Variants in ARHGAP6 observed in about 807,000 individuals in gnomAD.
ARHGAP6 encodes the protein rho GTPase-activating protein 6.
ARHGAP6 carries 16 observed loss-of-function variants against 55.7 expected under a neutral mutation model. That is an observed-to-expected ratio of 0.29 (90% CI 0.19 to 0.44). The LOEUF (loss-of-function observed/expected upper bound fraction) is 0.44. ARHGAP6 is among the 20% of genes least tolerant of loss of function. The pLI is 1.00. For missense variants in ARHGAP6, 698 were observed against 808.9 expected (o/e 0.86, Z 1.66); for synonymous variants, 382 against 360.9 (o/e 1.06, Z -0.66).
At position 11,199,479 on chromosome X, in the gene ARHGAP6, G is replaced by C. The variant is rs757617311; in HGVS notation, c.749-2483C>G. On this transcript the variant is annotated intron_variant, in intron 2 of 12. Transcript: ENST00000337414. ...GGATTATGGTGCACATTAAAGTCTG[G>C]TTCACATTAAAGTCTGGAACCACCA... Among the ~76,000 whole-genome samples, 3 of 112,008 alleles carry C rather than the reference G, an allele frequency of 2.7e-5. No individual in the cohort carries two copies. The South Asian group carries it at 1.1e-3, about 42-fold the overall frequency.
chrX:11,470,843 G>A (rs781498194), intron 1 of ARHGAP6, among the ~76,000 whole-genome samples: 1 of 111,864 alleles, frequency 8.9e-6, no homozygotes, highest in African/African-American at 3.2e-5. Flanking sequence ...CTCTGCTGCT[G>A]CCATCTTGAA....
intron 1 of ARHGAP6, among the ~76,000 whole-genome samples, chrX:11,591,334 A>G (rs10482316): frequency 0.39 from 42,106 of 108,198 alleles, 6,552 homozygotes; most frequent in African/African-American, 0.57. Flanking sequence ...TTTTAACAAC[A>G]GCCTTAAATT....
At position 11,664,856 on chromosome X, in the gene ARHGAP6, C is replaced by T; in HGVS notation, c.-28G>A. On this transcript the variant is annotated 5_prime_UTR_variant, in exon 1 of 13. Coordinates refer to ENST00000337414, the MANE Select transcript of ARHGAP6 (RefSeq NM_013427.3). Reference sequence around the variant, plus strand: ...CGGCGGGGCTGCACCTGAGGACCACCTCCTCCTCCCTCCCTGGACGCTGGT... The same window carrying T: ...CGGCGGGGCTGCACCTGAGGACCACTTCCTCCTCCCTCCCTGGACGCTGGT... 8.9e-7 allele frequency: 1 copy of T among 1,126,240 alleles called. No homozygotes were observed. The highest frequency in any genetic ancestry group is 2.1e-5 in the South Asian group (1 of 47,324). The allele number at this position is 1,126,240 out of a possible 1,213,427, so 92.8% of individuals were successfully genotyped here.
chrX:11,390,916 G>A (rs1184742099), intron 1 of ARHGAP6, among the ~76,000 whole-genome samples: 2 of 111,933 alleles, frequency 1.8e-5, no homozygotes, highest in African/African-American at 6.5e-5. Flanking sequence ...TGATTCCTCA[G>A]GGATCTAGAA....
intron 1 of ARHGAP6, among the ~76,000 whole-genome samples, chrX:11,415,290 G>A (rs1434972484): frequency 1.8e-5 from 2 of 111,457 alleles, no homozygotes; most frequent in African/African-American, 6.5e-5. Flanking sequence ...ATATCATTCA[G>A]TCTATTTCTA....
intron 2 of ARHGAP6, chrX:11,225,696 C>T (rs1316812142): frequency 6.0e-6 from 4 of 661,784 alleles, no homozygotes; most frequent in East Asian, 4.0e-5. Flanking sequence ...ACAAAAGAGA[C>T]GGCAACAAGA....
At chrX:11,622,617 A>G (rs1338205907) in intron 1 of ARHGAP6, among the ~76,000 whole-genome samples, 1 of 111,378 alleles carries the variant, frequency 9.0e-6, no homozygotes, top group Non-Finnish European at 1.9e-5. Flanking sequence ...GATTACTTTA[A>G]CTGCTTAATC....
chrX:11,400,445 G>GA (rs1203749588), intron 1 of ARHGAP6, among the ~76,000 whole-genome samples: 81 of 104,642 alleles, frequency 7.7e-4, no homozygotes, highest in African/African-American at 2.4e-3. Flanking sequence ...TTCCAGTCAT[G>GA]AAAAAAAAAA....
At chrX:11,660,517 ACTCT>A (rs1200418138) in intron 1 of ARHGAP6, among the ~76,000 whole-genome samples, 4 of 78,733 alleles carry the variant, frequency 5.1e-5, no homozygotes, top group African/African-American at 1.4e-4. Flanking sequence ...ACAGGGTGAG[ACTCT>A]CTCTCTCTCA....
chrX:11,321,819 C>T (rs2048435790), intron 1 of ARHGAP6, among the ~76,000 whole-genome samples: 2 of 112,231 alleles, frequency 1.8e-5, no homozygotes, highest in Middle Eastern at 4.6e-3. Context: ...CATTAATATA[C>T]ACCTACTATG....
chrX:11,298,520 G>A, intron 1 of ARHGAP6: 1 of 1,210,688 alleles, frequency 8.3e-7, no homozygotes, highest in Non-Finnish European at 1.1e-6. Flanking sequence ...TGAGCCAATG[G>A]TAAACCTGCC....
chrX:11,257,074 C>A (rs1222477311), intron 1 of ARHGAP6, among the ~76,000 whole-genome samples: 1 of 111,369 alleles, frequency 9.0e-6, no homozygotes, highest in Non-Finnish European at 1.9e-5. Flanking sequence ...GGGACTCAGG[C>A]CTTGGGTGTA....
At chrX:11,316,735 A>G (rs1272627019) in intron 1 of ARHGAP6, among the ~76,000 whole-genome samples, 1 of 112,376 alleles carries the variant, frequency 8.9e-6, no homozygotes, top group African/African-American at 3.2e-5. Flanking sequence ...AGGTTCTGGA[A>G]AGCACCATTT....
intron 1 of ARHGAP6, among the ~76,000 whole-genome samples, chrX:11,594,486 C>CTGGTATG (rs2051877179): frequency 8.9e-6 from 1 of 111,859 alleles, no homozygotes; most frequent in African/African-American, 3.3e-5. Flanking sequence ...CAGACCAGTA[C>CTGGTATG]TGGTATGTGG....
At chrX:11,377,937 G>A (rs1300569146) in intron 1 of ARHGAP6, among the ~76,000 whole-genome samples, 1 of 111,747 alleles carries the variant, frequency 8.9e-6, no homozygotes, top group African/African-American at 3.3e-5. Context: ...GATACAAGCA[G>A]CACGTCATTG....
chrX:11,589,084 C>T (rs866320587), intron 1 of ARHGAP6, among the ~76,000 whole-genome samples: 2 of 106,743 alleles, frequency 1.9e-5, no homozygotes, highest in African/African-American at 6.9e-5. Context: ...CTCTGTCACC[C>T]GGGCTGGAGT....
At chrX:11,639,445 G>A (rs2052451260) in intron 1 of ARHGAP6, among the ~76,000 whole-genome samples, 1 of 108,760 alleles carries the variant, frequency 9.2e-6, no homozygotes, top group Non-Finnish European at 1.9e-5. Flanking sequence ...TCTCACCTAT[G>A]AGCGAGAACA....
intron 1 of ARHGAP6, among the ~76,000 whole-genome samples, chrX:11,332,063 C>A (rs1877519485): frequency 8.9e-6 from 1 of 111,935 alleles, no homozygotes; most frequent in African/African-American, 3.3e-5. Context: ...CTAATCTATT[C>A]ATTTTCATTC....
chrX:11,220,722 G>A (rs1261843221), intron 2 of ARHGAP6, among the ~76,000 whole-genome samples: 22 of 109,155 alleles, frequency 2.0e-4, no homozygotes, highest in Admixed American at 2.0e-3. Flanking sequence ...AAACTGCATC[G>A]ACTAACAAGC....
Sources: gnomAD v4.1 joint callset for allele counts (sites outside exome capture counted in the v4.1 genomes callset) on GRCh38, gnomAD v4.1.1 for gene constraint, MANE v1.5 for transcripts, NCBI Gene and HGNC (gene_info 2026-07-23, HGNC 2026-07-21) for gene names.